Variants in GRIA4 observed in about 807,000 individuals in gnomAD.
The protein encoded by GRIA4 is glutamate receptor 4.
Under a neutral mutation model 104.0 loss-of-function variants are expected in GRIA4, and 34 were observed. The observed-to-expected ratio is 0.33, with a 90% confidence interval of 0.25 to 0.44. The LOEUF (loss-of-function observed/expected upper bound fraction) is 0.44, where lower values mean the gene tolerates loss of function less well. Ranked by LOEUF, GRIA4 falls within the 20% of genes least tolerant of loss-of-function variation. The pLI is 1.00. For missense variants in GRIA4, 750 were observed against 1,096.5 expected (o/e 0.68, Z 4.46); for synonymous variants, 386 against 381.9 (o/e 1.01, Z -0.13).
At chr11:105,742,822 C>T (rs916697301) in intron 3 of GRIA4, among the ~76,000 whole-genome samples, 1 of 152,064 alleles carries the variant, frequency 6.6e-6, no homozygotes, top group Non-Finnish European at 1.5e-5. Flanking sequence ...CAGCAACCTC[C>T]ACCTCCCGGG....
intron 3 of GRIA4, among the ~76,000 whole-genome samples, chr11:105,726,651 G>A (rs1362077775): frequency 6.6e-6 from 1 of 152,100 alleles, no homozygotes; most frequent in Non-Finnish European, 1.5e-5. Flanking sequence ...GGCATCTGGT[G>A]GGTCCCCCTC....
At chr11:105,863,391 A>AATATATATAT (rs148725532) in intron 5 of GRIA4, among the ~76,000 whole-genome samples, 24 of 148,872 alleles carry the variant, frequency 1.6e-4, no homozygotes, top group African/African-American at 5.9e-4. Flanking sequence ...GAAAAAGCTA[A>AATATATATAT]ATATATATAT....
chr11:105,859,666 G>A (rs1254744646), intron 4 of GRIA4, among the ~76,000 whole-genome samples: 1 of 152,084 alleles, frequency 6.6e-6, no homozygotes, highest in Non-Finnish European at 1.5e-5. Context: ...TGTGAATTAA[G>A]CCCAGGGAGA....
At chr11:105,877,544 C>T (rs1246270594) in intron 5 of GRIA4, among the ~76,000 whole-genome samples, 2 of 152,226 alleles carry the variant, frequency 1.3e-5, no homozygotes, top group East Asian at 3.8e-4. Context: ...TTCAGGTACA[C>T]CAATCAAATG....
chr11:105,620,509 T>G (rs34548753), intron 3 of GRIA4, among the ~76,000 whole-genome samples: 9,123 of 151,800 alleles, frequency 0.06, 427 homozygotes, highest in African/African-American at 0.11. Flanking sequence ...TACCCAACAT[T>G]CAGTGTGACT....
At chr11:105,922,780 G>C (rs1025382480) in intron 11 of GRIA4, among the ~76,000 whole-genome samples, 1 of 152,002 alleles carries the variant, frequency 6.6e-6, no homozygotes, top group African/African-American at 2.4e-5. Context: ...AAAAACAAGA[G>C]TAGGTGATGG....
intron 3 of GRIA4, among the ~76,000 whole-genome samples, chr11:105,699,721 G>C (rs1228950262): frequency 6.6e-6 from 1 of 151,926 alleles, no homozygotes; most frequent in African/African-American, 2.4e-5. Context: ...CACGCACGGG[G>C]CTCTGTCCCT....
chr11:105,624,970 A>AT (rs1950848583), intron 3 of GRIA4, among the ~76,000 whole-genome samples: 1 of 152,100 alleles, frequency 6.6e-6, no homozygotes, highest in Admixed American at 6.6e-5. Context: ...GACTATGCAC[A>AT]TTATTTTTGG....
intron 4 of GRIA4, among the ~76,000 whole-genome samples, chr11:105,767,896 C>T (rs1471065226): frequency 5.9e-5 from 9 of 152,082 alleles, no homozygotes; most frequent in Non-Finnish European, 8.8e-5. Flanking sequence ...CAACATTATG[C>T]TGCCGATGAG....
At chr11:105,663,470 G>A (rs1016932776) in intron 3 of GRIA4, among the ~76,000 whole-genome samples, 2 of 151,854 alleles carry the variant, frequency 1.3e-5, no homozygotes, top group Admixed American at 6.6e-5. Context: ...AAATCAAAAC[G>A]TGAATATATT....
At chr11:105,803,809 A>G (rs1942825246) in intron 4 of GRIA4, among the ~76,000 whole-genome samples, 1 of 149,400 alleles carries the variant, frequency 6.7e-6, no homozygotes, top group Non-Finnish European at 1.5e-5. Context: ...TAGTTGGTAA[A>G]TTGAATAGAT....
chr11:105,876,340 G>A (rs1358737096), intron 5 of GRIA4, among the ~76,000 whole-genome samples: 1 of 152,044 alleles, frequency 6.6e-6, no homozygotes, highest in East Asian at 1.9e-4. Flanking sequence ...ACAGTTATGT[G>A]GTCAGTTTTA....
At chr11:105,796,454 A>G (rs1371063725) in intron 4 of GRIA4, among the ~76,000 whole-genome samples, 4 of 152,204 alleles carry the variant, frequency 2.6e-5, no homozygotes, top group Non-Finnish European at 4.4e-5. Context: ...AACTAGCCTC[A>G]TGGATATAAA....
At chr11:105,863,512 T>C (rs1591366249) in intron 5 of GRIA4, among the ~76,000 whole-genome samples, 1 of 152,158 alleles carries the variant, frequency 6.6e-6, no homozygotes, top group Non-Finnish European at 1.5e-5. Context: ...GTTGTAGCTA[T>C]TCAATGTATA....
rs1940232781 is a variant in GRIA4 at position 105,755,223 on chromosome 11, T to C, written c.487+2003T>C. ...GGTTTTAGTGTATGCATGTCTTTTATTTTTAAACTGCCTTTAATCCTCTTG... is the reference window on the plus strand; with the variant it reads ...GGTTTTAGTGTATGCATGTCTTTTACTTTTAAACTGCCTTTAATCCTCTTG... On this transcript the variant is annotated intron_variant, in intron 4 of 16. Coordinates refer to ENST00000282499, the MANE Select transcript of GRIA4 (RefSeq NM_000829.4). Among the ~76,000 whole-genome samples, 4 of 152,172 alleles carry C rather than the reference T, an allele frequency of 2.6e-5. 1 individual carries two copies. Among genetic ancestry groups the C allele is most frequent in the Admixed American group, 2.6e-4 (4 of 15,272 alleles).
intron 3 of GRIA4, among the ~76,000 whole-genome samples, chr11:105,731,999 C>T (rs1450682802): frequency 6.6e-6 from 1 of 152,084 alleles, no homozygotes; most frequent in Non-Finnish European, 1.5e-5. Flanking sequence ...ACGTTCTGCA[C>T]ATGTATCCCA....
At chr11:105,673,715 T>A (rs975364306) in intron 3 of GRIA4, among the ~76,000 whole-genome samples, 3 of 152,192 alleles carry the variant, frequency 2.0e-5, no homozygotes, top group Admixed American at 6.6e-5. Flanking sequence ...AGCTTTATTA[T>A]ATTTATTTTG....
intron 11 of GRIA4, among the ~76,000 whole-genome samples, chr11:105,923,123 T>C (rs1402767322): frequency 1.3e-5 from 2 of 152,222 alleles, no homozygotes; most frequent in East Asian, 3.9e-4. Context: ...AGCCTGAGGA[T>C]AGGTAGGAGT....
At position 105,668,670 on chromosome 11, in the gene GRIA4, C is replaced by CTT. The variant is rs1158226074; in HGVS notation, c.247+56239_247+56240dup. Reference sequence around the variant, plus strand: ...CTACATCCTTGACAACACTTATTATCTTTTGTCTTTTTTTTTTTTTTTGAG... The same window carrying CTT: ...CTACATCCTTGACAACACTTATTATCTTTTTTGTCTTTTTTTTTTTTTTTGAG... On this transcript the variant is annotated intron_variant, in intron 3 of 16. Transcript: ENST00000282499. Among the ~76,000 whole-genome samples, 69 of 69,586 alleles carry CTT rather than the reference C, an allele frequency of 9.9e-4. 1 individual carries two copies. The highest frequency in any genetic ancestry group is 4.4e-3 in the East Asian group (8 of 1,806). The allele number at this position is 69,586 out of a possible 152,430, so 45.7% of individuals were successfully genotyped here. A position where few individuals can be genotyped will look rare whatever the true frequency, so the allele number is the denominator to read the frequency against.
Sources: allele counts gnomAD v4.1 joint callset (sites outside exome capture counted in the v4.1 genomes callset), GRCh38; gene constraint gnomAD v4.1.1; transcripts MANE v1.5; gene names NCBI Gene and HGNC (gene_info 2026-07-23, HGNC 2026-07-21).